The following CFAP99 variants were observed in gnomAD, a reference collection of about 807,000 sequenced individuals.
CFAP99 encodes cilia and flagella associated protein 99.
Under a neutral mutation model 82.7 loss-of-function variants are expected in CFAP99, and 84 were observed. The ratio of observed to expected loss-of-function variants is 1.02; its 90% CI spans 0.85 to 1.22. CFAP99 has a LOEUF of 1.22. CFAP99 is among the 50% of genes most tolerant of loss of function. The pLI, the probability that CFAP99 is intolerant of heterozygous loss-of-function variation, is 0.00. For missense variants in CFAP99, 1,059 were observed against 983.5 expected (o/e 1.08, Z -1.03); for synonymous variants, 456 against 429.5 (o/e 1.06, Z -0.76).
chr4:2,432,635 C>T (rs1733821786), intron 2 of CFAP99, among the ~76,000 whole-genome samples: 1 of 152,194 alleles, frequency 6.6e-6, no homozygotes, highest in Non-Finnish European at 1.5e-5. Flanking sequence ...GTCCAGCAGA[C>T]AAGTGCACTT....
chr4:2,435,359 A>G (rs1335442827), intron 2 of CFAP99, among the ~76,000 whole-genome samples: 1 of 152,038 alleles, frequency 6.6e-6, no homozygotes, highest in African/African-American at 2.4e-5. Context: ...TTGATCTAAA[A>G]TAAAAGTAAA....
At chr4:2,458,976 T>G (rs1578484011) in intron 12 of CFAP99, 112 bp downstream of exon 12, 1 of 1,448,632 alleles carries the variant, frequency 6.9e-7, no homozygotes, top group African/African-American at 1.4e-5. Context: ...AGGGACCCCT[T>G]GAGGGAGGCA....
intron 4 of CFAP99, among the ~76,000 whole-genome samples, chr4:2,442,523 C>CCTGCCCACCATT (rs1734067326): frequency 6.6e-6 from 1 of 152,104 alleles, no homozygotes; most frequent in African/African-American, 2.4e-5. Context: ...AAGCCGCCAT[C>CCTGCCCACCATT]CTGCCCACCA....
rs1324076685 is a variant in CFAP99, at chr4:2,454,581, CTTTTTTTTTTTTGTTT to C, written c.1161+2249_1161+2264del. Among the ~76,000 whole-genome samples the C allele has an allele frequency of 1.5e-4, 14 of 94,726 alleles. No individual in the cohort carries two copies. In the South Asian group the frequency reaches 2.2e-3, roughly 15 times the overall value. The allele number at this position is 94,726 out of a possible 152,430, so 62.1% of individuals were successfully genotyped here. A position where few individuals can be genotyped will look rare whatever the true frequency, so the allele number is the denominator to read the frequency against. On this transcript the variant is annotated intron_variant, in intron 11 of 14. Transcript: ENST00000635017. ...TTTTTCTTTTTTTGTTGTTTTTTTT[CTTTTTTTTTTTTGTTT>C]TTTTTTTTTTTTGGTTTTTGTTTTG... is the stretch of plus-strand genomic sequence containing the variant.
At chr4:2,419,537 G>T (rs1331609703) in intron 1 of CFAP99, among the ~76,000 whole-genome samples, 1 of 152,146 alleles carries the variant, frequency 6.6e-6, no homozygotes, top group Non-Finnish European at 1.5e-5. Context: ...TTTCCCTGCC[G>T]CACCACCACC....
intron 1 of CFAP99, among the ~76,000 whole-genome samples, chr4:2,423,890 G>A (rs1733632367): frequency 6.6e-6 from 1 of 151,452 alleles, no homozygotes; most frequent in East Asian, 2.0e-4. Flanking sequence ...CATGGGGTGG[G>A]GGGAGGGGGA....
intron 11 of CFAP99, among the ~76,000 whole-genome samples, chr4:2,454,519 T>C (rs1343443792): frequency 6.8e-6 from 1 of 147,406 alleles, no homozygotes; most frequent in East Asian, 2.1e-4. Flanking sequence ...ACATACTTAT[T>C]CCTGGTAAGA....
chr4:2,436,116 GAT>G (rs35858534), intron 2 of CFAP99, among the ~76,000 whole-genome samples: 24,314 of 149,488 alleles, frequency 0.16, 2,249 homozygotes, highest in African/African-American at 0.24. Context: ...TGTATATATA[GAT>G]ATATATAGAT....
chr4:2,420,703 T>C (rs1239228058), intron 1 of CFAP99, among the ~76,000 whole-genome samples: 1 of 152,198 alleles, frequency 6.6e-6, no homozygotes, highest in Non-Finnish European at 1.5e-5. Flanking sequence ...ATATTACTCA[T>C]ATTTTTATAA....
intron 3 of CFAP99, 71 bp downstream of exon 3, chr4:2,437,089 G>A: frequency 1.3e-6 from 2 of 1,512,858 alleles, no homozygotes; most frequent in Non-Finnish European, 1.8e-6. Context: ...GGAAAGGCCT[G>A]GCAGGCAGGC....
intron 1 of CFAP99, among the ~76,000 whole-genome samples, 178 bp downstream of exon 1, chr4:2,419,271 G>A (rs1280149182): frequency 6.6e-6 from 1 of 151,538 alleles, no homozygotes; most frequent in Non-Finnish European, 1.5e-5. Flanking sequence ...CACTATCAGC[G>A]GTGCGTTCTA....
chr4:2,454,572 GT>G (rs1314074505), intron 11 of CFAP99, among the ~76,000 whole-genome samples: 26 of 80,098 alleles, frequency 3.2e-4, no homozygotes, highest in African/African-American at 4.5e-4. Context: ...TTTTTTTGTT[GT>G]TTTTTTTCTT....
intron 7 of CFAP99, 80 bp from the exon 8 acceptor site, chr4:2,449,854 G>T: frequency 6.5e-7 from 1 of 1,529,296 alleles, no homozygotes; most frequent in Non-Finnish European, 8.8e-7. Context: ...GGGGAGGCTG[G>T]GTGGAAGTTC....
At chr4:2,450,831 G>C (rs1578478905) in intron 8 of CFAP99, 116 bp from the exon 9 acceptor site, 1 of 793,344 alleles carries the variant, frequency 1.3e-6, no homozygotes, top group Admixed American at 2.1e-5. Context: ...GGGGGAGGAT[G>C]AAGAGGGGTG....
rs1431432337 is a variant in CFAP99 at position 2,448,738 on chromosome 4, G to A, written c.643-932G>A. 6.6e-6 allele frequency among the ~76,000 whole-genome samples: 1 copy of A among 152,240 alleles called. No individual in the cohort carries two copies. Among genetic ancestry groups the A allele is most frequent in the Non-Finnish European group, 1.5e-5 (1 of 68,032 alleles). On this transcript the variant is annotated intron_variant, in intron 6 of 14. Coordinates refer to ENST00000635017, the Ensembl canonical transcript of CFAP99. This position sits in a 1 kb window ranked among gnomAD's most constrained non-coding sequence, Gnocchi z 5.2. ...CCAGGAGGGGCTGGAGTGGAGTGAG[G>A]CAGGGAAGAGGGAAGGCGGGGTACC...
chr4:2,443,918 C>A (rs1003046660), intron 5 of CFAP99, among the ~76,000 whole-genome samples: 3 of 151,996 alleles, frequency 2.0e-5, no homozygotes, highest in Non-Finnish European at 4.4e-5. Flanking sequence ...AGCTGAGGGG[C>A]CCCCCAGTTT....
intron 4 of CFAP99, among the ~76,000 whole-genome samples, chr4:2,438,454 G>A (rs1733968281): frequency 6.6e-6 from 1 of 151,988 alleles, no homozygotes; most frequent in Non-Finnish European, 1.5e-5. Flanking sequence ...AGTAGAGACG[G>A]GGTTTCACCA....
intron 4 of CFAP99, among the ~76,000 whole-genome samples, chr4:2,441,707 C>T (rs537521058): frequency 6.6e-6 from 1 of 152,340 alleles, no homozygotes; most frequent in Non-Finnish European, 1.5e-5. Context: ...ACCCCATGCC[C>T]CGCTGGGCCA....
chr4:2,426,813 G>A lies in CFAP99; in HGVS notation c.111+227G>A, dbSNP rs2108710011. 3 of 537,092 alleles carry A rather than the reference G, an allele frequency of 5.6e-6. No individual in the cohort carries two copies. The East Asian group carries it at 9.8e-5, about 17-fold the overall frequency. 33.3% of individuals were successfully genotyped at this position (537,092 alleles called of 1,614,324 possible). A position where few individuals can be genotyped will look rare whatever the true frequency, so the allele number is the denominator to read the frequency against. On this transcript the variant is annotated intron_variant, in intron 2 of 14. Transcript: ENST00000635017. ...GAAAGAAGCCTTGGCCGGGACCCGGGATATGACATCCACACTGCGGTTCCA... is the reference window on the plus strand; with the variant it reads ...GAAAGAAGCCTTGGCCGGGACCCGGAATATGACATCCACACTGCGGTTCCA...
Sources: allele counts gnomAD v4.1 joint callset (sites outside exome capture counted in the v4.1 genomes callset), GRCh38; gene constraint gnomAD v4.1.1; non-coding constraint Gnocchi (gnomAD v3.1); transcripts MANE v1.5; gene names NCBI Gene and HGNC (gene_info 2026-07-23, HGNC 2026-07-21).